The following BSG variants were observed in gnomAD, a reference collection of about 807,000 sequenced individuals.
BSG encodes basigin (Ok blood group), also known as basigin.
In BSG, 37 loss-of-function variants were observed where a neutral mutation model predicts 43.1. The ratio of observed to expected loss-of-function variants is 0.86; its 90% CI spans 0.66 to 1.13. The LOEUF (loss-of-function observed/expected upper bound fraction) is 1.13, where lower values mean the gene tolerates loss of function less well. BSG is among the 50% of genes most tolerant of loss of function. BSG has a pLI of 0.00. For missense variants in BSG, 599 were observed against 554.2 expected (o/e 1.08, Z -0.81); for synonymous variants, 309 against 238.7 (o/e 1.29, Z -2.72).
chr19:573,520 C>T (rs1981480929), intron 1 of BSG, among the ~76,000 whole-genome samples: 1 of 152,188 alleles, frequency 6.6e-6, no homozygotes, highest in African/African-American at 2.4e-5. Flanking sequence ...CGTGCACCTG[C>T]CCCCGGGTGT....
At chr19:572,482 A>G (rs1011624408), upstream of BSG, 127 of 1,177,548 alleles carry the variant, frequency 1.1e-4, no homozygotes, top group Non-Finnish European at 1.3e-4. Flanking sequence ...GCGCGTGCGC[A>G]GGCGGGGCGA....
intron 2 of BSG, chr19:578,733 T>TC: frequency 3.6e-6 from 1 of 280,358 alleles, no homozygotes; most frequent in East Asian, 1.2e-4. Context: ...GTGCTGTGGC[T>TC]ATTTTTTTTT....
At chr19:582,392 AAC>A in intron 7 of BSG, 62 bp downstream of exon 7, 2 of 1,594,472 alleles carry the variant, frequency 1.3e-6, no homozygotes, top group East Asian at 2.2e-5. Context: ...AGGCCTTTAA[AAC>A]ACAAAGGCAG....
chr19:581,678 G>A, intron 6 of BSG, 87 bp downstream of exon 6: 1 of 1,445,740 alleles, frequency 6.9e-7, no homozygotes, highest in Non-Finnish European at 9.1e-7. Context: ...CCCCACCGCT[G>A]ACCCAGAGCT....
At chr19:580,999 C>T (rs12977361) in intron 5 of BSG, among the ~76,000 whole-genome samples, 6 of 129,030 alleles carry the variant, frequency 4.7e-5, no homozygotes, top group African/African-American at 6.2e-5. Flanking sequence ...GGTCCCGGAC[C>T]CAGCCCTCCG....
rs572491781 is a variant in BSG, at chr19:582,791, C to G, written c.*47C>G. 1 of 595,930 alleles carries G rather than the reference C, an allele frequency of 1.7e-6. No homozygotes were observed. Among genetic ancestry groups the G allele is most frequent in the Admixed American group, 3.1e-5 (1 of 31,780 alleles). The allele number at this position is 595,930 out of a possible 1,614,324, so 36.9% of individuals were successfully genotyped here. On this transcript the variant is annotated 3_prime_UTR_variant, in exon 9 of 9. Transcript: ENST00000333511. ...CCCTGCTCCACGTCTGCGCCGCCGC[C>G]GGAGTCCACTCCCAGTGCTTGCAAG...
Position 577,940 on chromosome 19 carries a change from C to A in BSG, c.234C>A (p.Arg78=). 2 of 1,609,174 alleles carry A rather than the reference C, an allele frequency of 1.2e-6. No individual in the cohort carries two copies. The highest frequency in any genetic ancestry group is 2.2e-5 in the South Asian group (2 of 90,630). ...SQLWDGARLD[R]VHIHATYHQH... ...TCTGGGACGGCGCCCGGCTGGACCG[C>A]GTCCACATCCACGCCACCTACCACC... is the stretch of plus-strand genomic sequence containing the variant. Residue 78 remains arginine, a synonymous_variant, in exon 2 of 9, where the codon CGC becomes CGA. Coordinates refer to ENST00000333511, the MANE Select transcript of BSG (RefSeq NM_001728.4).
intron 2 of BSG, 92 bp from the exon 3 acceptor site, chr19:579,408 C>G: frequency 2.6e-6 from 4 of 1,549,352 alleles, no homozygotes; most frequent in Non-Finnish European, 3.5e-6. Context: ...ACCAGTCCTT[C>G]CCGGGGAGGA....
rs1982354985 is a variant in BSG, at chr19:581,841, C to T, written c.1069+250C>T. On this transcript the variant is annotated intron_variant, in intron 6 of 8. Coordinates refer to ENST00000333511, the MANE Select transcript of BSG (RefSeq NM_001728.4). The stretch of plus-strand genomic sequence containing the variant: ...GCCCCACAGCCTCACCCGGCCCTTC[C>T]CTCCCGCTCACTTGGCTGCAAGCCA... Among the ~76,000 whole-genome samples, 3 of 152,256 alleles carry T rather than the reference C, an allele frequency of 2.0e-5. No homozygotes were observed. In the South Asian group the frequency reaches 6.2e-4, roughly 31 times the overall value.
At chr19:576,103 A>G (rs1396153135) in intron 1 of BSG, among the ~76,000 whole-genome samples, 4 of 152,206 alleles carry the variant, frequency 2.6e-5, no homozygotes, top group African/African-American at 7.2e-5. Context: ...ACCGGTGCAG[A>G]TGGCGCCTGG....
chr19:573,793 A>C (rs1981507759), intron 1 of BSG, among the ~76,000 whole-genome samples: 1 of 152,170 alleles, frequency 6.6e-6, no homozygotes, highest in African/African-American at 2.4e-5. Flanking sequence ...TTCGGTTTCC[A>C]GTGCTGTCTT....
intron 6 of BSG, 134 bp from the exon 7 acceptor site, chr19:582,172 C>G (rs1026754394): frequency 7.7e-6 from 9 of 1,175,966 alleles, no homozygotes; most frequent in Non-Finnish European, 9.7e-6. Flanking sequence ...GGCTGATGAG[C>G]TGCCCCGAGC....
In BSG at chr19:572,605, A is replaced by G. The variant is rs1196846319; in HGVS notation, c.-30A>G. ...CGCGGGCGGCGGCGGCAGCGGTTGG[A>G]GGTTGTAGGACCGGCGAGGAATAGG... On this transcript the variant is annotated 5_prime_UTR_variant, in exon 1 of 9. Transcript: ENST00000333511. 7.5e-6 allele frequency: 11 copies of G among 1,472,894 alleles called. No homozygotes were observed. The highest frequency in any genetic ancestry group is 5.9e-5 in the East Asian group (2 of 33,874). 91.2% of individuals were successfully genotyped at this position (1,472,894 alleles called of 1,614,324 possible).
At chr19:581,293 G>GA (rs1199561916) in intron 5 of BSG, 22 bp from the exon 6 acceptor site, 4 of 1,602,610 alleles carry the variant, frequency 2.5e-6, no homozygotes, top group Non-Finnish European at 3.4e-6. Flanking sequence ...CCTGGACTCA[G>GA]CCCTTGCCTT....
intron 1 of BSG, among the ~76,000 whole-genome samples, chr19:573,339 T>TG (rs1247728242): frequency 6.6e-6 from 1 of 152,070 alleles, no homozygotes; most frequent in Non-Finnish European, 1.5e-5. Context: ...TGAGACTCTC[T>TG]GGGGCCCCCG....
At position 577,845 on chromosome 19, in the gene BSG, G is replaced by A. The variant is rs138950962; in HGVS notation, c.139G>A (p.Val47Met). 4.1e-5 allele frequency: 62 copies of A among 1,528,658 alleles called. No individual in the cohort carries two copies. Among genetic ancestry groups the A allele is most frequent in the African/African-American group, 3.5e-4 (26 of 73,538 alleles). 94.7% of individuals were successfully genotyped at this position (1,528,658 alleles called of 1,614,324 possible). Residue 47 changes from valine (V) to methionine (M), a missense_variant, in exon 2 of 9, where the codon GTG becomes ATG. By Grantham distance (21) the Val-to-Met change is conservative. Transcript: ENST00000333511. ...CAGTGTGGAGCTGCACTGCGAGGCCGTGGGCAGCCCGGTGCCCGAGATCCA... is the reference window on the plus strand; with the variant it reads ...CAGTGTGGAGCTGCACTGCGAGGCCATGGGCAGCCCGGTGCCCGAGATCCA... Reference protein sequence around the residue: ...GGSVELHCEAVGSPVPEIQWW... With the variant: ...GGSVELHCEAMGSPVPEIQWW...
At position 579,515 on chromosome 19, in the gene BSG, C is replaced by G. The variant is rs775736165; in HGVS notation, c.431C>G (p.Thr144Ser). 2.5e-6 allele frequency: 4 copies of G among 1,612,712 alleles called. No individual in the cohort carries two copies. The highest frequency in any genetic ancestry group is 2.5e-6 in the Non-Finnish European group (3 of 1,179,930). The part of the protein sequence containing the change: ...VLVLEPGTVF[T>S]TVEDLGSKIL... The stretch of plus-strand genomic sequence containing the variant: ...GGCCTTGCAGCCGGCACAGTCTTCA[C>G]TACCGTAGAAGACCTTGGCTCCAAG... The change falls in exon 3 of 9, where the codon ACT becomes AGT. Residue 144 changes from threonine (T) to serine (S), a missense_variant. Physicochemically the swap from Thr to Ser is moderately conservative, Grantham distance 58. Coordinates refer to ENST00000333511, the MANE Select transcript of BSG (RefSeq NM_001728.4).
rs776910762 is a variant in BSG at position 581,239 on chromosome 19, C to T, written c.793-76C>T. On this transcript the variant is annotated intron_variant, in intron 5 of 8. Transcript: ENST00000333511. ...GGTGAGGGGCCTAGACTGGGGGTCCCGGACTCAGCCCTCAGGACTGGGTGA... is the reference window on the plus strand; with the variant it reads ...GGTGAGGGGCCTAGACTGGGGGTCCTGGACTCAGCCCTCAGGACTGGGTGA... The T allele has an allele frequency of 4.1e-4, 550 of 1,346,560 alleles. 4 individuals carry two copies. The Middle Eastern group carries it at 6.4e-3, about 16-fold the overall frequency. 83.4% of individuals were successfully genotyped at this position (1,346,560 alleles called of 1,614,324 possible).
Position 582,581 on chromosome 19 carries a change from A to G in BSG, c.*4A>G. On this transcript the variant is annotated splice_region_variant and 3_prime_UTR_variant, in exon 8 of 9. Transcript: ENST00000333511. ...CCGCCAGAGGAACTCTTCCTGAGGC[A>G]GGTGCGGTGGGCGGGAGCTCCTCCT... 1 of 1,011,998 alleles carries G rather than the reference A, an allele frequency of 9.9e-7. No individual in the cohort carries two copies. The highest frequency in any genetic ancestry group is 3.9e-5 in the Admixed American group (1 of 25,914). 62.7% of individuals were successfully genotyped at this position (1,011,998 alleles called of 1,614,324 possible).
Sources: gnomAD v4.1 joint callset for allele counts (sites outside exome capture counted in the v4.1 genomes callset) on GRCh38, gnomAD v4.1.1 for gene constraint, MANE v1.5 for transcripts, NCBI Gene and HGNC (gene_info 2026-07-23, HGNC 2026-07-21) for gene names.